The following PPFIA1 variants were observed in gnomAD, a reference collection of about 807,000 sequenced individuals.
The protein encoded by PPFIA1 is liprin-alpha-1.
Under a neutral mutation model 149.9 loss-of-function variants are expected in PPFIA1, and 25 were observed. The ratio of observed to expected loss-of-function variants is 0.17; its 90% confidence interval spans 0.12 to 0.23. PPFIA1 has a LOEUF of 0.23. Among genes scored for constraint, PPFIA1 ranks in the 10% least tolerant of loss-of-function variants. The probability of loss-of-function intolerance (pLI) is 1.00; values close to 1 mark genes in which losing one functional copy is unlikely to be tolerated. For synonymous variants in PPFIA1, 549 were observed against 552.8 expected (o/e 0.99, Z 0.10); for missense variants, 1,362 against 1,506.5 (o/e 0.90, Z 1.59).
In PPFIA1 at chr11:70,277,060, A is replaced by ATAATATATATATATATATATATTTTTTT; in HGVS notation, c.264+4625_264+4626insAATATATATATATATATATATTTTTTTT. Among the ~76,000 whole-genome samples the ATAATATATATATATATATATATTTTTTT allele has an allele frequency of 6.0e-3, 397 of 66,264 alleles. 14 individuals carry two copies. The highest frequency in any genetic ancestry group is 0.044 in the African/African-American group (372 of 8,492). 43.5% of individuals were successfully genotyped at this position (66,264 alleles called of 152,430 possible). On this transcript the variant is annotated intron_variant, in intron 2 of 27. Coordinates refer to ENST00000253925, the MANE Select transcript of PPFIA1 (RefSeq NM_003626.5). ...GAGATATATATATATATATATATAT[A>ATAATATATATATATATATATATTTTTTT]TTTTTTTTTTTCCAGGCACAGTCTC...
intron 16 of PPFIA1, among the ~76,000 whole-genome samples, chr11:70,349,076 T>C (rs7109643): frequency 6.9e-6 from 1 of 145,320 alleles, no homozygotes; most frequent in Admixed American, 7.1e-5. Flanking sequence ...ATGCACAAAG[T>C]GGGTCAGTGC....
intron 8 of PPFIA1, among the ~76,000 whole-genome samples, chr11:70,330,976 G>A (rs986233510): frequency 5.9e-5 from 9 of 152,066 alleles, no homozygotes; most frequent in Non-Finnish European, 1.3e-4. Flanking sequence ...GCTCACACCT[G>A]TAATCCCAGC....
At chr11:70,289,465 G>T (rs2051378563) in intron 2 of PPFIA1, among the ~76,000 whole-genome samples, 1 of 151,976 alleles carries the variant, frequency 6.6e-6, no homozygotes, top group Admixed American at 6.6e-5. Context: ...TCATAAAATG[G>T]GTTCAGCATT....
intron 24 of PPFIA1, among the ~76,000 whole-genome samples, chr11:70,376,143 C>T (rs1373486541): frequency 1.3e-5 from 2 of 152,164 alleles, no homozygotes; most frequent in African/African-American, 4.8e-5. Flanking sequence ...CACACGCCAC[C>T]GTGCCCGGCT....
intron 21 of PPFIA1, chr11:70,365,959 T>C (rs1211075168): frequency 1.1e-5 from 5 of 456,570 alleles, no homozygotes; most frequent in Admixed American, 2.4e-5. Context: ...GGAGGGAAGC[T>C]GGGCTCAGGT....
intron 2 of PPFIA1, among the ~76,000 whole-genome samples, chr11:70,285,483 C>T (rs956417307): frequency 1.3e-5 from 2 of 151,842 alleles, no homozygotes; most frequent in Non-Finnish European, 1.5e-5. Flanking sequence ...AGTTCGAGAC[C>T]AGCCTGGCCA....
Position 70,343,845 on chromosome 11 carries a change from A to G in PPFIA1, c.1884A>G (p.Leu628=), listed in dbSNP as rs775117760. ...SPSGQADAHT[L]AMMLQEQLDA... Reference sequence around the variant, plus strand: ...GCGGGCAGGCCGACGCGCACACACTAGCCATGATGCTTCAGGAGCAGCTGG... The same window carrying G: ...GCGGGCAGGCCGACGCGCACACACTGGCCATGATGCTTCAGGAGCAGCTGG... Residue 628 remains leucine, a synonymous_variant, in exon 15 of 28, where the codon CTA becomes CTG. Transcript: ENST00000253925. 1 of 1,614,152 alleles carries G rather than the reference A, an allele frequency of 6.2e-7. No homozygotes were observed. Among genetic ancestry groups the G allele is most frequent in the East Asian group, 2.2e-5 (1 of 44,872 alleles).
intron 2 of PPFIA1, among the ~76,000 whole-genome samples, chr11:70,280,556 C>G (rs1001838684): frequency 6.6e-6 from 1 of 151,958 alleles, no homozygotes; most frequent in African/African-American, 2.4e-5. Context: ...GTGGCAAGAG[C>G]GAAACTCCGT....
rs2055567545 is a variant in PPFIA1, at chr11:70,344,577, G to T, written c.1931+685G>T. The stretch of plus-strand genomic sequence containing the variant: ...TGCAGCCTCCTGCACAGAAGAGGCT[G>T]TGTGTAGTGACGTTTAAAAGTGTAG... On this transcript the variant is annotated intron_variant, in intron 15 of 27. Coordinates refer to ENST00000253925, the MANE Select transcript of PPFIA1 (RefSeq NM_003626.5). Among the ~76,000 whole-genome samples, 6 of 152,250 alleles carry T rather than the reference G, an allele frequency of 3.9e-5. No individual in the cohort carries two copies. The South Asian group carries it at 1.2e-3, about 31-fold the overall frequency.
intron 2 of PPFIA1, among the ~76,000 whole-genome samples, chr11:70,311,758 A>C (rs2053298211): frequency 6.6e-6 from 1 of 151,870 alleles, no homozygotes. Flanking sequence ...ACATAAACCA[A>C]GAGGAATAAT....
chr11:70,311,121 C>G (rs2053238504), intron 2 of PPFIA1, among the ~76,000 whole-genome samples: 1 of 152,076 alleles, frequency 6.6e-6, no homozygotes, highest in South Asian at 2.1e-4. Flanking sequence ...ACCAGCCTGA[C>G]CAACATGGAA....
Position 70,372,326 on chromosome 11 carries a change from A to G in PPFIA1, c.2977A>G (p.Met993Val), listed in dbSNP as rs1028528587. The G allele has an allele frequency of 2.5e-6, 4 of 1,614,098 alleles. No individual in the cohort carries two copies. Among genetic ancestry groups the G allele is most frequent in the African/African-American group, 1.3e-5 (1 of 74,940 alleles). Reference sequence around the variant, plus strand: ...CATGGAGTGCCTTGTAGACGCCAGGATGCTGGACCACTTGACCAAGAAAGA... The same window carrying G: ...CATGGAGTGCCTTGTAGACGCCAGGGTGCTGGACCACTTGACCAAGAAAGA... ...YFMECLVDAR[M>V]LDHLTKKDLR... Residue 993 changes from methionine to valine, a missense_variant, in exon 22 of 28, where the codon ATG becomes GTG. Transcript: ENST00000253925.
intron 12 of PPFIA1, 29 bp from the exon 13 acceptor site, chr11:70,338,345 A>G: frequency 6.5e-7 from 1 of 1,543,870 alleles, no homozygotes; most frequent in East Asian, 2.2e-5. Flanking sequence ...AAGAGATAGC[A>G]GTAATGTAAG....
chr11:70,313,165 G>A (rs371197819), intron 2 of PPFIA1, among the ~76,000 whole-genome samples: 3 of 152,170 alleles, frequency 2.0e-5, no homozygotes, highest in Admixed American at 6.5e-5. Context: ...CAGAATGGGC[G>A]GAGCTGACTT....
chr11:70,291,962 C>T (rs1002945487), intron 2 of PPFIA1, among the ~76,000 whole-genome samples: 10 of 151,792 alleles, frequency 6.6e-5, no homozygotes, highest in East Asian at 3.9e-4. Flanking sequence ...CTCAGCCTCC[C>T]GAGTAGCTGG....
intron 26 of PPFIA1, chr11:70,378,516 A>G (rs1056613670): frequency 2.0e-6 from 2 of 1,006,396 alleles, no homozygotes; most frequent in South Asian, 4.4e-5. Flanking sequence ...AGGCCGTGCT[A>G]GAAAGCTCTT....
At chr11:70,274,030 G>T (rs2050247302) in intron 2 of PPFIA1, among the ~76,000 whole-genome samples, 1 of 152,212 alleles carries the variant, frequency 6.6e-6, no homozygotes, top group Admixed American at 6.5e-5. Context: ...GCACTGCTCA[G>T]TGTAGCAGCC....
intron 1 of PPFIA1, 111 bp from the exon 2 acceptor site, chr11:70,272,062 G>C: frequency 6.7e-6 from 8 of 1,192,238 alleles, no homozygotes; most frequent in South Asian, 1.4e-5. Context: ...TAACAGATCT[G>C]AGCATAATGA....
At chr11:70,354,176 C>A in intron 16 of PPFIA1, 125 bp from the exon 17 acceptor site, 1 of 1,035,192 alleles carries the variant, frequency 9.7e-7, no homozygotes, top group Non-Finnish European at 1.4e-6. Context: ...CAGACTGAAA[C>A]AAGACTTTCT....
Sources: allele counts gnomAD v4.1 joint callset (sites outside exome capture counted in the v4.1 genomes callset), GRCh38; gene constraint gnomAD v4.1.1; transcripts MANE v1.5; gene names NCBI Gene and HGNC (gene_info 2026-07-23, HGNC 2026-07-21).